Variants in ZNF518A observed in about 807,000 individuals in gnomAD.
The protein encoded by ZNF518A is zinc finger protein 518.
In ZNF518A, 47 loss-of-function variants were observed where a neutral mutation model predicts 102.7. That is an observed-to-expected ratio of 0.46 (90% CI 0.36 to 0.58). The LOEUF is 0.58. Among genes scored for constraint, ZNF518A ranks in the 20% least tolerant of loss-of-function variants. The pLI is 0.00. For missense variants in ZNF518A, 1,793 were observed against 1,699.8 expected (o/e 1.05, Z -0.96); for synonymous variants, 652 against 594.6 (o/e 1.10, Z -1.40).
intron 1 of ZNF518A, chr10:96,196,941 T>C (rs1554894823): frequency 2.5e-6 from 4 of 1,613,572 alleles, no homozygotes; most frequent in South Asian, 1.1e-5. Context: ...CCAAGGCATA[T>C]TGTTTTGTTG....
At chr10:96,171,460 A>G (rs1266692356) in intron 1 of ZNF518A, among the ~76,000 whole-genome samples, 3 of 152,208 alleles carry the variant, frequency 2.0e-5, no homozygotes, top group African/African-American at 4.8e-5. Context: ...TTCATATGAA[A>G]TGTCAAGAAT....
downstream of ZNF518A, among the ~76,000 whole-genome samples, chr10:96,167,181 C>CT (rs1456806122): frequency 6.6e-6 from 1 of 152,182 alleles, no homozygotes; most frequent in Non-Finnish European, 1.5e-5. Context: ...GTTCAAAAGG[C>CT]TGAGTGCAGT....
At chr10:96,199,914 C>T (rs1242018230) in intron 1 of ZNF518A, 27 of 363,984 alleles carry the variant, frequency 7.4e-5, no homozygotes, top group Admixed American at 3.0e-4. Context: ...ATCCCAGCTG[C>T]TTGGGAGGCT....
Position 96,158,971 on chromosome 10 carries a change from T to C in ZNF518A, c.2649T>C (p.Gly883=). 6.2e-7 allele frequency: 1 copy of C among 1,613,598 alleles called. No homozygotes were observed. Among genetic ancestry groups the C allele is most frequent in the Non-Finnish European group, 8.5e-7 (1 of 1,179,720 alleles). Residue 883 remains glycine, a synonymous_variant, in exon 6 of 6, where the codon GGT becomes GGC. Coordinates refer to ENST00000316045, the MANE Select transcript of ZNF518A (RefSeq NM_001330736.2). Reference sequence around the variant, plus strand: ...CAGAGAAGATGCCTAGAATTTCAGGTTTTGGCACATTACTTAAGACTCAGT... The same window carrying C: ...CAGAGAAGATGCCTAGAATTTCAGGCTTTGGCACATTACTTAAGACTCAGT... ...RDSEKMPRIS[G]FGTLLKTQSD...
intron 1 of ZNF518A, among the ~76,000 whole-genome samples, chr10:96,191,481 A>G (rs587643048): frequency 6.6e-6 from 1 of 152,142 alleles, no homozygotes; most frequent in East Asian, 1.9e-4. Flanking sequence ...AAAAGGAACC[A>G]TTACATCCTT....
intron 1 of ZNF518A, chr10:96,199,472 A>G: frequency 2.2e-6 from 1 of 460,272 alleles, no homozygotes; most frequent in Non-Finnish European, 4.4e-6. Flanking sequence ...CAAGCCTTCC[A>G]TAGACCTCCC....
intron 1 of ZNF518A, among the ~76,000 whole-genome samples, chr10:96,192,946 C>T (rs1440559402): frequency 3.9e-5 from 6 of 152,026 alleles, no homozygotes; most frequent in East Asian, 3.9e-4. Context: ...TTTATTTTCT[C>T]GATTTTTTAG....
At position 96,130,545 on chromosome 10, in the gene ZNF518A, C is replaced by G. The variant is rs2081276749; in HGVS notation, c.-660C>G. On this transcript the variant is annotated 5_prime_UTR_variant, in exon 1 of 6. Transcript: ENST00000316045. ...GCGGTGTTTGGGGCGAAGCTGGGCG[C>G]GCGGCGCTCGAAGCACTCACTCGGC... The G allele has an allele frequency of 6.6e-6, 1 of 152,390 alleles. No homozygotes were observed. Among genetic ancestry groups the G allele is most frequent in the Non-Finnish European group, 1.5e-5 (1 of 68,172 alleles). 9.4% of individuals were successfully genotyped at this position (152,390 alleles called of 1,614,324 possible). A position where few individuals can be genotyped will look rare whatever the true frequency, so the allele number is the denominator to read the frequency against.
downstream of ZNF518A, chr10:96,204,470 A>G (rs2053153370): frequency 6.6e-7 from 1 of 1,510,544 alleles, no homozygotes; most frequent in Non-Finnish European, 9.2e-7. Context: ...CAGTGAAACA[A>G]TGCACATGTT....
At chr10:96,143,520 C>T (rs1554877336) in intron 3 of ZNF518A, among the ~76,000 whole-genome samples, 7 of 152,220 alleles carry the variant, frequency 4.6e-5, no homozygotes, top group African/African-American at 1.4e-4. Flanking sequence ...AGGGTCCTCA[C>T]AAAACCTACC....
intron 3 of ZNF518A, among the ~76,000 whole-genome samples, chr10:96,152,863 C>G (rs1306034787): frequency 6.6e-6 from 1 of 151,944 alleles, no homozygotes; most frequent in Non-Finnish European, 1.5e-5. Context: ...CATTGTTGGC[C>G]AAAACATAAT....
intron 1 of ZNF518A, chr10:96,201,127 T>A: frequency 7.3e-7 from 1 of 1,367,486 alleles, no homozygotes; most frequent in Non-Finnish European, 1.0e-6. Context: ...GCCTATCCCC[T>A]AACACTGTAC....
At chr10:96,178,700 C>T (rs1375356420) in intron 1 of ZNF518A, among the ~76,000 whole-genome samples, 1 of 151,834 alleles carries the variant, frequency 6.6e-6, no homozygotes, top group Non-Finnish European at 1.5e-5. Flanking sequence ...ATTGATAAAC[C>T]TTTAGCTAGA....
Position 96,142,351 on chromosome 10 carries a change from TG to T in ZNF518A, c.-302+8704del, listed in dbSNP as rs1554876881. Among the ~76,000 whole-genome samples the T allele has an allele frequency of 2.1e-3, 313 of 147,770 alleles. 1 individual carries two copies. The highest frequency in any genetic ancestry group is 6.9e-3 in the Middle Eastern group (2 of 288). On this transcript the variant is annotated intron_variant, in intron 3 of 5. Transcript: ENST00000316045. ...GTGTGTGTGTGTGTGTGTGTGTGTG[TG>T]TGTTTCTAGATTCCTTTTAGCAGAA... is the stretch of plus-strand genomic sequence containing the variant.
intron 1 of ZNF518A, among the ~76,000 whole-genome samples, chr10:96,182,588 T>A (rs946753816): frequency 9.9e-5 from 15 of 152,200 alleles, no homozygotes; most frequent in African/African-American, 3.1e-4. Context: ...ATTGAGGTAA[T>A]CGTGTGATTT....
In ZNF518A at chr10:96,192,113, T is replaced by A. The variant is rs782063820; in HGVS notation, n.36-11461T>A. The A allele has an allele frequency of 2.5e-6, 4 of 1,612,994 alleles. No individual in the cohort carries two copies. The South Asian group carries it at 3.3e-5, about 13-fold the overall frequency. On this transcript the variant is annotated intron_variant and non_coding_transcript_variant, in intron 1 of 2. Transcript: ENST00000442635. ...AAGTACTAGAGGAAGAAAACATAGA[T>A]GAATTATACTTTGGCATTTGTGTTA...
intron 3 of ZNF518A, among the ~76,000 whole-genome samples, chr10:96,153,280 C>G (rs1473030614): frequency 6.6e-6 from 1 of 152,240 alleles, no homozygotes; most frequent in Non-Finnish European, 1.5e-5. Flanking sequence ...CCCACCCACA[C>G]TGAGGCAAAT....
At position 96,158,799 on chromosome 10, in the gene ZNF518A, T is replaced by C. The variant is rs201577222; in HGVS notation, c.2477T>C (p.Ile826Thr). ...SFQKHEREGK[I>T]VESSKDFKVQ... ...CAAAAACACGAGAGAGAAGGCAAAA[T>C]TGTTGAATCTTCGAAAGATTTCAAA... Residue 826 changes from isoleucine (I) to threonine (T), a missense_variant, in exon 6 of 6, where the codon ATT (isoleucine) becomes ACT (threonine). Ile to Thr is a moderately conservative substitution (Grantham distance 89, BLOSUM62 -1). Around this residue, in one of 3 missense-constraint regions of ZNF518A, gnomAD observed 1,741 missense variants for 1,622.6 expected, o/e 1.07. Coordinates refer to ENST00000316045, the MANE Select transcript of ZNF518A (RefSeq NM_001330736.2). The C allele has an allele frequency of 3.1e-6, 5 of 1,613,568 alleles. No individual in the cohort carries two copies. The Admixed American group carries it at 8.3e-5, about 27-fold the overall frequency.
intron 3 of ZNF518A, among the ~76,000 whole-genome samples, chr10:96,148,840 C>G (rs587660185): frequency 2.0e-5 from 3 of 152,158 alleles, no homozygotes; most frequent in Admixed American, 6.5e-5. Flanking sequence ...CTCAGCCTCC[C>G]GAGTAGCTGG....
Sources: allele counts gnomAD v4.1 joint callset (sites outside exome capture counted in the v4.1 genomes callset), GRCh38; gene constraint gnomAD v4.1.1; regional missense constraint gnomAD v4.1.1; transcripts MANE v1.5; gene names NCBI Gene and HGNC (gene_info 2026-07-23, HGNC 2026-07-21).